Variants in RIPOR2 observed in about 807,000 individuals in gnomAD.
RIPOR2 encodes the protein RHO family interacting cell polarization regulator 2.
RIPOR2 carries 39 observed loss-of-function variants against 114.5 expected under a neutral mutation model. The observed-to-expected ratio is 0.34, with a 90% CI of 0.26 to 0.44. RIPOR2 has a LOEUF of 0.44. Among genes scored for constraint, RIPOR2 ranks in the 20% least tolerant of loss-of-function variants. The pLI is 1.00. For missense variants in RIPOR2, 1,007 were observed against 1,255.1 expected, an observed-to-expected ratio of 0.80 and a Z score of 2.99; for synonymous variants, 445 against 484.4, an observed-to-expected ratio of 0.92 and a Z score of 1.07.
chr6:24,946,327 G>A (rs531034569), intron 1 of RIPOR2, among the ~76,000 whole-genome samples: 8 of 151,980 alleles, frequency 5.3e-5, no homozygotes, highest in African/African-American at 4.8e-5. Flanking sequence ...CACCTGCCTC[G>A]GCCTCTCAAA....
intron 1 of RIPOR2, among the ~76,000 whole-genome samples, chr6:25,012,195 G>A (rs533498038): frequency 1.7e-4 from 26 of 152,240 alleles, no homozygotes; most frequent in Non-Finnish European, 2.8e-4. Context: ...CTGGTAAGAT[G>A]GTTAAACTAA....
intron 1 of RIPOR2, among the ~76,000 whole-genome samples, chr6:24,908,725 T>C (rs1342592409): frequency 6.6e-6 from 1 of 152,164 alleles, no homozygotes; most frequent in East Asian, 1.9e-4. Context: ...TCCACAGATA[T>C]AAATATCTCC....
At chr6:24,930,849 A>G (rs1023840435) in intron 1 of RIPOR2, among the ~76,000 whole-genome samples, 10 of 152,234 alleles carry the variant, frequency 6.6e-5, no homozygotes, top group Non-Finnish European at 1.5e-4. Flanking sequence ...CCCCTTTTCC[A>G]ATCCCGTTAT....
intron 1 of RIPOR2, among the ~76,000 whole-genome samples, chr6:24,950,332 C>A (rs1216859642): frequency 1.3e-5 from 2 of 152,194 alleles, no homozygotes; most frequent in African/African-American, 2.4e-5. Context: ...ATGCAAGATT[C>A]TTTCTCTTTT....
rs758594117 is a variant in RIPOR2 at position 24,883,510 on chromosome 6, G to C, written c.62-7693C>G. On this transcript the variant is annotated intron_variant, in intron 1 of 21. Transcript: ENST00000643898. The surrounding 1 kb of genome is among the most constrained non-coding windows in gnomAD (Gnocchi z 4.1). ...GAGAGAGGTTTTGGGGGTGGTGGAA[G>C]TGTTCTAAAAGCAAATCATGGATGA... 3.3e-5 allele frequency among the ~76,000 whole-genome samples: 5 copies of C among 152,186 alleles called. No homozygotes were observed. The highest frequency in any genetic ancestry group is 4.8e-5 in the African/African-American group (2 of 41,450).
At chr6:24,828,057 G>T in intron 18 of RIPOR2, 80 bp downstream of exon 18, 1 of 1,265,716 alleles carries the variant, frequency 7.9e-7, no homozygotes, top group Non-Finnish European at 1.1e-6. Flanking sequence ...GGCCATCATT[G>T]CCAAAAGCCA....
rs1223595134 is a variant in RIPOR2, at chr6:24,805,120, T to C, written c.*1253A>G. ...CATTAGGATTTCTCTGACTTCTAGGTTCCTCCACCTCAAAGAGCATCACAG... is the reference window on the plus strand; with the variant it reads ...CATTAGGATTTCTCTGACTTCTAGGCTCCTCCACCTCAAAGAGCATCACAG... On this transcript the variant is annotated 3_prime_UTR_variant, in exon 22 of 22. Coordinates refer to ENST00000643898, the MANE Select transcript of RIPOR2 (RefSeq NM_001286445.3). The C allele has an allele frequency of 2.0e-5, 3 of 152,126 alleles. No individual in the cohort carries two copies. The highest frequency in any genetic ancestry group is 2.0e-4 in the Admixed American group (3 of 15,272). The allele number at this position is 152,126 out of a possible 1,614,324, so 9.4% of individuals were successfully genotyped here.
intron 1 of RIPOR2, among the ~76,000 whole-genome samples, chr6:24,924,508 GTTTCTCCTTTTA>G (rs2114118901): frequency 6.6e-6 from 1 of 152,218 alleles, no homozygotes; most frequent in South Asian, 2.1e-4. Flanking sequence ...GTCTTACGGT[GTTTCTCCTTTTA>G]TAGGATGTTG....
chr6:24,852,133 A>T (rs1367315331), intron 9 of RIPOR2, among the ~76,000 whole-genome samples: 1 of 152,092 alleles, frequency 6.6e-6, no homozygotes, highest in African/African-American at 2.4e-5. Flanking sequence ...GTGGTGGTGC[A>T]CACCTGTAGT....
intron 1 of RIPOR2, among the ~76,000 whole-genome samples, chr6:24,879,428 G>A (rs926190911): frequency 3.9e-5 from 6 of 152,174 alleles, no homozygotes; most frequent in African/African-American, 1.4e-4. Context: ...GAGCAGTTTT[G>A]TTTTGTTTTG....
At chr6:24,986,392 T>C (rs955868845) in intron 1 of RIPOR2, among the ~76,000 whole-genome samples, 17 of 152,206 alleles carry the variant, frequency 1.1e-4, no homozygotes, top group Non-Finnish European at 2.2e-4. Context: ...TGAATTAGGA[T>C]TAGACATTGT....
chr6:25,015,929 A>C lies in RIPOR2; in HGVS notation c.76+25922T>G, dbSNP rs915596387. 9.4e-5 allele frequency: 9 copies of C among 95,992 alleles called. No individual in the cohort carries two copies. The South Asian group carries it at 3.2e-3, about 34-fold the overall frequency. The allele number at this position is 95,992 out of a possible 1,614,324, so 5.9% of individuals were successfully genotyped here. ...TTTTTTTTTTTTTTTTTTTTTAAGGAGTCTTACTCTGTCACCTAGGCTGGA... is the reference window on the plus strand; with the variant it reads ...TTTTTTTTTTTTTTTTTTTTTAAGGCGTCTTACTCTGTCACCTAGGCTGGA... On this transcript the variant is annotated intron_variant, in intron 1 of 13. Transcript: ENST00000510784.
intron 19 of RIPOR2, among the ~76,000 whole-genome samples, chr6:24,820,316 C>T (rs1382985056): frequency 1.3e-5 from 2 of 152,208 alleles, no homozygotes; most frequent in Admixed American, 1.3e-4. Context: ...CAGGCGTGAG[C>T]CACTGCACAC....
intron 1 of RIPOR2, among the ~76,000 whole-genome samples, chr6:24,987,937 G>C (rs1391455190): frequency 6.6e-6 from 1 of 152,124 alleles, no homozygotes; most frequent in African/African-American, 2.4e-5. Context: ...ACTTATCTAA[G>C]GGGCCTTGCT....
intron 21 of RIPOR2, 36 bp downstream of exon 21, chr6:24,809,681 G>T (rs1244773110): frequency 2.2e-6 from 3 of 1,365,832 alleles, no homozygotes; most frequent in African/African-American, 2.9e-5. Flanking sequence ...AGTGCCAGAA[G>T]CAAACAATCA....
intron 13 of RIPOR2, chr6:24,839,671 A>G (rs1437160377): frequency 1.3e-6 from 2 of 1,529,370 alleles, no homozygotes; most frequent in African/African-American, 2.8e-5. Context: ...TGTCAACCAC[A>G]AAGCCTTGGG....
chr6:24,979,283 CTTTTTTTTTT>C (rs60372040), intron 1 of RIPOR2, among the ~76,000 whole-genome samples: 6 of 99,440 alleles, frequency 6.0e-5, no homozygotes, highest in East Asian at 2.5e-4. Flanking sequence ...TAGGGAAATT[CTTTTTTTTTT>C]TTTTTTTTTT....
upstream of RIPOR2, among the ~76,000 whole-genome samples, chr6:24,939,544 A>C (rs551226006): frequency 2.2e-4 from 33 of 152,334 alleles, no homozygotes; most frequent in African/African-American, 6.7e-4. Context: ...CTTTCTCAAA[A>C]ATAGCTCAAA....
chr6:24,931,017 T>A (rs371449097), intron 1 of RIPOR2, among the ~76,000 whole-genome samples: 4 of 152,270 alleles, frequency 2.6e-5, no homozygotes, highest in African/African-American at 9.6e-5. Flanking sequence ...TTGATTTCTC[T>A]TACTTTTTCC....
Sources: allele counts gnomAD v4.1 joint callset (sites outside exome capture counted in the v4.1 genomes callset), GRCh38; gene constraint gnomAD v4.1.1; non-coding constraint Gnocchi (gnomAD v3.1); transcripts MANE v1.5; gene names NCBI Gene and HGNC (gene_info 2026-07-23, HGNC 2026-07-21).